WDPCP: variants seen among roughly 807,000 people sequenced by gnomAD.
WDPCP encodes WD repeat-containing and planar cell polarity effector protein fritz homolog.
Under a neutral mutation model 93.1 loss-of-function variants are expected in WDPCP, and 71 were observed. That is an observed-to-expected ratio of 0.76 (90% CI 0.63 to 0.93). WDPCP has a LOEUF of 0.93. Ranked by LOEUF, WDPCP falls within the 40% of genes least tolerant of loss-of-function variation. WDPCP has a pLI of 0.00. For missense variants in WDPCP, 844 were observed against 887.4 expected (o/e 0.95, Z 0.62); for synonymous variants, 315 against 315.0 (o/e 1.00, Z 0.00).
At chr2:63,642,282 G>C (rs1709990141) in intron 3 of WDPCP, among the ~76,000 whole-genome samples, 1 of 152,046 alleles carries the variant, frequency 6.6e-6, no homozygotes, top group Non-Finnish European at 1.5e-5. Flanking sequence ...GCTTGGGATA[G>C]ATTTGATTAG....
At chr2:63,620,757 C>A (rs528782603) in intron 3 of WDPCP, among the ~76,000 whole-genome samples, 2 of 152,298 alleles carry the variant, frequency 1.3e-5, no homozygotes, top group Admixed American at 6.5e-5. Flanking sequence ...GGTCAACAGA[C>A]ATAAAGGAGA....
intron 1 of WDPCP, among the ~76,000 whole-genome samples, chr2:63,819,664 A>C (rs2104120869): frequency 6.6e-6 from 1 of 152,322 alleles, no homozygotes; most frequent in Admixed American, 6.5e-5. Context: ...CTTCTGGTCC[A>C]GGCACAGTAT....
chr2:63,668,267 C>G (rs933459265), intron 2 of WDPCP, among the ~76,000 whole-genome samples: 1 of 152,096 alleles, frequency 6.6e-6, no homozygotes, highest in Non-Finnish European at 1.5e-5. Context: ...TCCTGCATCC[C>G]CTCTCCCACC....
chr2:63,154,179 A>C (rs957183994), intron 15 of WDPCP, among the ~76,000 whole-genome samples: 1 of 152,016 alleles, frequency 6.6e-6, no homozygotes, highest in African/African-American at 2.4e-5. Flanking sequence ...TATATGTTAA[A>C]ACTGACTTTC....
chr2:63,239,198 C>G (rs184550540), intron 14 of WDPCP, among the ~76,000 whole-genome samples: 59 of 152,292 alleles, frequency 3.9e-4, no homozygotes, highest in Admixed American at 1.5e-3. Flanking sequence ...ATTATTATTT[C>G]TATGAAAGTA....
intron 12 of WDPCP, among the ~76,000 whole-genome samples, chr2:63,338,034 T>C (rs1688515842): frequency 1.3e-5 from 2 of 152,210 alleles, no homozygotes; most frequent in African/African-American, 4.8e-5. Context: ...TTGTTTTGGT[T>C]ACCTGTGCTT....
chr2:63,426,887 T>G (rs749870776), intron 9 of WDPCP, among the ~76,000 whole-genome samples: 2 of 152,016 alleles, frequency 1.3e-5, no homozygotes, highest in African/African-American at 2.4e-5. Flanking sequence ...AAAGAAACTA[T>G]GGAGAAAGAT....
intron 12 of WDPCP, among the ~76,000 whole-genome samples, chr2:63,373,512 T>A (rs868433043): frequency 3.3e-5 from 5 of 150,836 alleles, no homozygotes; most frequent in Admixed American, 1.3e-4. Flanking sequence ...TGCCTTGGCC[T>A]CCCATAAATG....
chr2:63,808,314 T>TCCC (rs1553457267), intron 2 of WDPCP, among the ~76,000 whole-genome samples: 1 of 120,852 alleles, frequency 8.3e-6, no homozygotes. Context: ...CTCTCCCCTC[T>TCCC]CCCTCTCCCC....
chr2:63,124,801 A>C (rs900993159), intron 17 of WDPCP, among the ~76,000 whole-genome samples: 2 of 152,270 alleles, frequency 1.3e-5, no homozygotes, highest in African/African-American at 4.8e-5. Flanking sequence ...ATATGGGTTA[A>C]GTGTTTTGTC....
At chr2:63,788,664 T>C (rs576546700) in intron 2 of WDPCP, among the ~76,000 whole-genome samples, 1 of 152,372 alleles carries the variant, frequency 6.6e-6, no homozygotes, top group East Asian at 1.9e-4. Context: ...AAGTTCCTTG[T>C]GCTACTGATT....
At chr2:63,262,814 T>C (rs1681762438) in intron 13 of WDPCP, among the ~76,000 whole-genome samples, 1 of 152,190 alleles carries the variant, frequency 6.6e-6, no homozygotes, top group Non-Finnish European at 1.5e-5. Context: ...AAAAAGATCA[T>C]GTTTTACTCT....
rs184117319 is a variant in WDPCP at position 63,451,957 on chromosome 2, T to A, written c.385-12086A>T. Among the ~76,000 whole-genome samples the A allele has an allele frequency of 6.7e-3, 1,026 of 152,276 alleles. 5 individuals carry two copies. The highest frequency in any genetic ancestry group is 9.1e-3 in the Non-Finnish European group (617 of 68,016). On this transcript the variant is annotated intron_variant, in intron 6 of 17. Transcript: ENST00000272321. Reference sequence around the variant, plus strand: ...GGATGTATCTCAAAATAATAAGAGCTATCTATGACAAACCCACAGCCAATA... The same window carrying A: ...GGATGTATCTCAAAATAATAAGAGCAATCTATGACAAACCCACAGCCAATA...
rs765356177 is a variant in WDPCP at position 63,437,419 on chromosome 2, A to G, written c.633+2T>C. ...TATGACTATATAAATCAAAATCTCT[A>G]CCTTATAATCCAAGGCTGAGAGTTT... is the stretch of plus-strand genomic sequence containing the variant. On this transcript the variant is annotated splice_donor_variant, in intron 8 of 17. Transcript: ENST00000272321. LOFTEE classifies it high-confidence loss of function. The G allele has an allele frequency of 1.3e-5, 20 of 1,595,286 alleles. No homozygotes were observed. Among genetic ancestry groups the G allele is most frequent in the Middle Eastern group, 2.1e-4 (1 of 4,792 alleles).
At chr2:63,818,739 A>G (rs1435224189) in intron 1 of WDPCP, among the ~76,000 whole-genome samples, 3 of 152,220 alleles carry the variant, frequency 2.0e-5, no homozygotes, top group Non-Finnish European at 2.9e-5. Context: ...TAAACAGGGG[A>G]AAAAACCCAC....
intron 2 of WDPCP, among the ~76,000 whole-genome samples, chr2:63,722,478 AG>A (rs1348904405): frequency 7.0e-6 from 1 of 143,578 alleles, no homozygotes; most frequent in Non-Finnish European, 1.5e-5. Context: ...AGAAGTGAGG[AG>A]CCCCTCCGCC....
intron 15 of WDPCP, among the ~76,000 whole-genome samples, chr2:63,164,090 T>G (rs1672805311): frequency 6.6e-6 from 1 of 152,194 alleles, no homozygotes; most frequent in African/African-American, 2.4e-5. Context: ...GTTTATTTGT[T>G]CTACAATAAA....
chr2:63,159,528 G>A (rs1389548328), intron 15 of WDPCP, among the ~76,000 whole-genome samples: 3 of 152,130 alleles, frequency 2.0e-5, no homozygotes, highest in African/African-American at 4.8e-5. Context: ...TATATATCAA[G>A]TAATTTTTGG....
At chr2:63,208,957 G>T (rs553298607) in intron 14 of WDPCP, among the ~76,000 whole-genome samples, 6 of 152,230 alleles carry the variant, frequency 3.9e-5, no homozygotes, top group Admixed American at 3.9e-4. Context: ...CTTCCCCCCA[G>T]TTTAACTCCC....
Sources: allele counts gnomAD v4.1 joint callset (sites outside exome capture counted in the v4.1 genomes callset), GRCh38; gene constraint gnomAD v4.1.1; transcripts MANE v1.5; gene names NCBI Gene and HGNC (gene_info 2026-07-23, HGNC 2026-07-21).